The following PTPRG variants were observed in gnomAD, a reference collection of about 807,000 sequenced individuals.
PTPRG encodes the protein protein tyrosine phosphatase receptor type G, also known as receptor-type tyrosine-protein phosphatase gamma.
PTPRG carries 102 observed loss-of-function variants against 165.3 expected under a neutral mutation model. The ratio of observed to expected loss-of-function variants is 0.62; its 90% CI spans 0.53 to 0.73. The LOEUF (loss-of-function observed/expected upper bound fraction) is 0.73. PTPRG is among the 30% of genes least tolerant of loss of function. PTPRG has a pLI of 0.00. For missense variants in PTPRG, 1,866 were observed against 1,861.4 expected (o/e 1.00, Z -0.05); for synonymous variants, 675 against 669.5 (o/e 1.01, Z -0.13).
intron 8 of PTPRG, among the ~76,000 whole-genome samples, chr3:62,181,848 A>C (rs1245966684): frequency 2.0e-5 from 3 of 152,222 alleles, no homozygotes; most frequent in Non-Finnish European, 4.4e-5. Flanking sequence ...TGATATAATG[A>C]TGAACATGAA....
chr3:61,659,201 T>G (rs1702594703), intron 1 of PTPRG: 1 of 634,218 alleles, frequency 1.6e-6, no homozygotes, highest in South Asian at 7.1e-5. Flanking sequence ...GCTGATGGTT[T>G]TATTCTTGTA....
At chr3:61,686,216 G>C (rs1464259743) in intron 1 of PTPRG, among the ~76,000 whole-genome samples, 1 of 152,218 alleles carries the variant, frequency 6.6e-6, no homozygotes, top group Non-Finnish European at 1.5e-5. Flanking sequence ...AGGAGTGGCA[G>C]AGATGGGACC....
chr3:62,076,658 C>T (rs778784480), intron 4 of PTPRG, among the ~76,000 whole-genome samples: 36 of 151,604 alleles, frequency 2.4e-4, no homozygotes, highest in Non-Finnish European at 4.4e-4. Flanking sequence ...CTCGGCTCAC[C>T]GCAGCATCCG....
At chr3:62,264,686 C>G (rs1160788834) in intron 17 of PTPRG, among the ~76,000 whole-genome samples, 4 of 152,124 alleles carry the variant, frequency 2.6e-5, no homozygotes, top group Non-Finnish European at 5.9e-5. Flanking sequence ...TTTGTCTATT[C>G]ATTCATCATT....
intron 28 of PTPRG, 59 bp downstream of exon 28, chr3:62,282,928 G>T: frequency 6.7e-7 from 1 of 1,498,858 alleles, no homozygotes; most frequent in South Asian, 1.3e-5. Flanking sequence ...ATTTCTTGTT[G>T]AAAGCAGTAG....
At chr3:61,804,319 T>G (rs970947841) in intron 2 of PTPRG, among the ~76,000 whole-genome samples, 1 of 152,204 alleles carries the variant, frequency 6.6e-6, no homozygotes, top group Non-Finnish European at 1.5e-5. Flanking sequence ...GGAGGGGCAA[T>G]CTGGAGTTAA....
In PTPRG at chr3:61,717,897, T is replaced by G. The variant is rs191532025; in HGVS notation, c.86-30981T>G. Among the ~76,000 whole-genome samples, 469 of 152,252 alleles carry G rather than the reference T, an allele frequency of 3.1e-3. 6 individuals are homozygous for G. The highest frequency in any genetic ancestry group is 5.2e-3 in the Non-Finnish European group (352 of 68,000). On this transcript the variant is annotated intron_variant, in intron 1 of 29. Coordinates refer to ENST00000474889, the MANE Select transcript of PTPRG (RefSeq NM_002841.4). Reference sequence around the variant, plus strand: ...CATATAGCTTTGTAAAAACTAAGACTCGACTGGGTATGGTGGCTCACACCT... The same window carrying G: ...CATATAGCTTTGTAAAAACTAAGACGCGACTGGGTATGGTGGCTCACACCT...
At chr3:62,131,851 C>G (rs1703527583) in intron 5 of PTPRG, among the ~76,000 whole-genome samples, 2 of 152,152 alleles carry the variant, frequency 1.3e-5, no homozygotes, top group Admixed American at 6.5e-5. Flanking sequence ...GACGTCATTT[C>G]ATGTCATTTG....
intron 1 of PTPRG, among the ~76,000 whole-genome samples, chr3:61,593,417 C>A (rs113431070): frequency 3.8e-4 from 39 of 101,542 alleles, no homozygotes; most frequent in Admixed American, 1.1e-3. Flanking sequence ...AAAAAAAAAA[C>A]CAACCACAAA....
At chr3:62,277,768 C>A (rs1702280356) in intron 26 of PTPRG, 89 bp downstream of exon 26, 1 of 1,502,220 alleles carries the variant, frequency 6.7e-7, no homozygotes, top group African/African-American at 1.4e-5. Context: ...GCTATAGTAT[C>A]CATATATGCT....
intron 1 of PTPRG, among the ~76,000 whole-genome samples, chr3:61,648,034 T>C (rs559659408): frequency 1.4e-4 from 22 of 152,238 alleles, no homozygotes; most frequent in Admixed American, 2.0e-4. Context: ...GCTTTTGATA[T>C]GCCTGAAGCC....
intron 9 of PTPRG, among the ~76,000 whole-genome samples, chr3:62,192,252 C>G (rs1452422331): frequency 6.6e-6 from 1 of 152,076 alleles, no homozygotes. Context: ...TATCTGACCT[C>G]ACTTTGGGCT....
In PTPRG at chr3:62,297,606, T is replaced by A. The variant is rs1703109151; in HGVS notation, c.*4299T>A. 1 of 152,100 alleles carries A rather than the reference T, an allele frequency of 6.6e-6. No homozygotes were observed. The highest frequency in any genetic ancestry group is 1.5e-5 in the Non-Finnish European group (1 of 67,994). 9.4% of individuals were successfully genotyped at this position (152,100 alleles called of 1,614,324 possible). ...ACATAAAATAAAGTATGGTTTTTGA[T>A]GTATTCAGTAGTGTTGAGCATTTCT... On this transcript the variant is annotated 3_prime_UTR_variant, in exon 30 of 30. Transcript: ENST00000474889.
chr3:61,756,085 T>C (rs1212896304), intron 2 of PTPRG, among the ~76,000 whole-genome samples: 1 of 152,216 alleles, frequency 6.6e-6, no homozygotes, highest in Non-Finnish European at 1.5e-5. Flanking sequence ...TGATTGAAGA[T>C]GGCATTGCAT....
chr3:61,870,782 G>A (rs2037549330), intron 2 of PTPRG, among the ~76,000 whole-genome samples: 1 of 151,920 alleles, frequency 6.6e-6, no homozygotes, highest in Admixed American at 6.6e-5. Context: ...CTATTGAAAT[G>A]TTGAATAAAA....
chr3:61,892,327 A>G (rs2038237320), intron 2 of PTPRG, among the ~76,000 whole-genome samples: 2 of 152,188 alleles, frequency 1.3e-5, no homozygotes, highest in South Asian at 4.1e-4. Context: ...CCTGGGCTCA[A>G]GTGATCTTCC....
At chr3:62,136,609 C>T (rs1267774283) in intron 6 of PTPRG, among the ~76,000 whole-genome samples, 2 of 152,144 alleles carry the variant, frequency 1.3e-5, no homozygotes, top group East Asian at 1.9e-4. Flanking sequence ...TGAATTCCCA[C>T]GTGTTGTGGG....
At chr3:61,744,510 A>G (rs1298935668) in intron 1 of PTPRG, among the ~76,000 whole-genome samples, 1 of 152,214 alleles carries the variant, frequency 6.6e-6, no homozygotes, top group East Asian at 1.9e-4. Flanking sequence ...GTATCTGTGT[A>G]TCTAAACATA....
At chr3:61,909,441 T>C (rs75866065) in intron 2 of PTPRG, among the ~76,000 whole-genome samples, 2,551 of 152,256 alleles carry the variant, frequency 0.017, 58 homozygotes, top group African/African-American at 0.057. Flanking sequence ...CCTTAACTTC[T>C]TGGGGCCAAG....
Sources: allele counts gnomAD v4.1 joint callset (sites outside exome capture counted in the v4.1 genomes callset), GRCh38; gene constraint gnomAD v4.1.1; transcripts MANE v1.5; gene names NCBI Gene and HGNC (gene_info 2026-07-23, HGNC 2026-07-21).